HEATR5A: variants seen among roughly 807,000 people sequenced by gnomAD.
The protein encoded by HEATR5A is HEAT repeat-containing protein 5A.
A neutral mutation model predicts 218.8 loss-of-function variants in HEATR5A; 178 were observed. The observed-to-expected ratio is 0.81, with a 90% CI of 0.72 to 0.92. The LOEUF (loss-of-function observed/expected upper bound fraction) is 0.92. Among genes scored for constraint, HEATR5A ranks in the 40% least tolerant of loss-of-function variants. The pLI is 0.00. For missense variants in HEATR5A, 2,420 were observed against 2,418.9 expected (o/e 1.00, Z -0.01); for synonymous variants, 864 against 871.6 (o/e 0.99, Z 0.15).
intron 8 of HEATR5A, 96 bp from the exon 9 acceptor site, chr14:31,386,671 C>T (rs2030236592): frequency 9.8e-7 from 1 of 1,018,826 alleles, no homozygotes; most frequent in Admixed American, 2.6e-5. Context: ...CAAAAATTTA[C>T]ACATACACTT....
At chr14:31,369,629 A>AAC (rs1901950924) in intron 13 of HEATR5A, among the ~76,000 whole-genome samples, 1 of 147,524 alleles carries the variant, frequency 6.8e-6, no homozygotes, top group Non-Finnish European at 1.5e-5. Flanking sequence ...AAAAAAAAAA[A>AAC]AAAAAAACCC....
intron 4 of HEATR5A, among the ~76,000 whole-genome samples, chr14:31,397,784 G>C (rs188452969): frequency 6.6e-6 from 1 of 151,938 alleles, no homozygotes; most frequent in Admixed American, 6.6e-5. Flanking sequence ...TCAGTCTTCC[G>C]AGGGGCTAGA....
intron 16 of HEATR5A, among the ~76,000 whole-genome samples, chr14:31,355,543 G>A (rs1901394993): frequency 6.6e-6 from 1 of 151,958 alleles, no homozygotes; most frequent in African/African-American, 2.4e-5. Context: ...GACCAGCTTG[G>A]CCAACATTAT....
At chr14:31,325,197 C>T (rs1304153061) in intron 23 of HEATR5A, among the ~76,000 whole-genome samples, 3 of 152,166 alleles carry the variant, frequency 2.0e-5, no homozygotes, top group African/African-American at 7.2e-5. Flanking sequence ...AAATTATATA[C>T]AGTTCTTGGA....
rs1163225153 is a variant in HEATR5A at position 31,305,111 on chromosome 14, A to G, written c.5033T>C (p.Leu1678Pro). ...EFGEGKDTGG[L>P]VPGKSLVFAT... Reference sequence around the variant, plus strand: ...AAAGACCAAAGACTTTCCAGGCACAAGTCCTCCGGTGTCCTTTCCCTCTCC... The same window carrying G: ...AAAGACCAAAGACTTTCCAGGCACAGGTCCTCCGGTGTCCTTTCCCTCTCC... The change falls in exon 32 of 36, where the codon CTT (leucine) becomes CCT (proline). Residue 1678 changes from leucine to proline, a missense_variant. Leu to Pro is a moderately conservative substitution (Grantham distance 98). Coordinates refer to ENST00000543095, the MANE Select transcript of HEATR5A (RefSeq NM_015473.4). The G allele has an allele frequency of 6.2e-7, 1 of 1,613,892 alleles. No individual in the cohort carries two copies. The highest frequency in any genetic ancestry group is 8.5e-7 in the Non-Finnish European group (1 of 1,179,882).
intron 16 of HEATR5A, among the ~76,000 whole-genome samples, chr14:31,355,317 G>A (rs1297002193): frequency 2.0e-5 from 3 of 152,184 alleles, no homozygotes; most frequent in African/African-American, 7.2e-5. Flanking sequence ...GGAGGCCGAG[G>A]CAGGAGAATC....
At chr14:31,348,761 G>A (rs535849016) in intron 18 of HEATR5A, among the ~76,000 whole-genome samples, 1 of 152,184 alleles carries the variant, frequency 6.6e-6, no homozygotes, top group Admixed American at 6.5e-5. Context: ...AGCTCAAATA[G>A]CTCTCACAAA....
At position 31,293,790 on chromosome 14, in the gene HEATR5A, G is replaced by C. The variant is rs562385626; in HGVS notation, c.5833+101C>G. 40 of 1,084,786 alleles carry C rather than the reference G, an allele frequency of 3.7e-5. No individual in the cohort carries two copies. In the South Asian group the frequency reaches 5.2e-4, roughly 14 times the overall value. The allele number at this position is 1,084,786 out of a possible 1,614,324, so 67.2% of individuals were successfully genotyped here. ...ATTAACATAACACCTTTCAATGAAT[G>C]TGAAATACAGATATAATGTGACTGA... is the stretch of plus-strand genomic sequence containing the variant. On this transcript the variant is annotated intron_variant, in intron 35 of 35. Coordinates refer to ENST00000543095, the MANE Select transcript of HEATR5A (RefSeq NM_015473.4).
chr14:31,419,257 T>A (rs1304916635), intron 1 of HEATR5A, among the ~76,000 whole-genome samples: 2 of 152,016 alleles, frequency 1.3e-5, no homozygotes, highest in Non-Finnish European at 2.9e-5. Context: ...TCTTATATTA[T>A]AAATCCTGCC....
intron 21 of HEATR5A, among the ~76,000 whole-genome samples, chr14:31,338,381 A>T (rs1043862936): frequency 6.6e-6 from 1 of 152,306 alleles, no homozygotes; most frequent in Admixed American, 6.5e-5. Context: ...AGAGACAAGC[A>T]TTACAGAACA....
Position 31,380,510 on chromosome 14 carries a change from G to C in HEATR5A, c.1665C>G (p.Arg555=). The change falls in exon 11 of 36, where the codon CGC becomes CGG. Residue 555 remains arginine (R), a synonymous_variant. Coordinates refer to ENST00000543095, the MANE Select transcript of HEATR5A (RefSeq NM_015473.4). ...AAATCAGCAACCATCCAGCTTGTGT[G>C]CGCTGAGCTGAAAGGCGACTGTTTT... ...AAQNSRLSAQ[R]TQAGWLLISA... 1 of 1,609,230 alleles carries C rather than the reference G, an allele frequency of 6.2e-7. No individual in the cohort carries two copies. Among genetic ancestry groups the C allele is most frequent in the Non-Finnish European group, 8.5e-7 (1 of 1,177,762 alleles).
chr14:31,297,547 C>A (rs1275980389), intron 33 of HEATR5A: 2 of 152,144 alleles, frequency 1.3e-5, no homozygotes, highest in East Asian at 3.9e-4. Flanking sequence ...CCTGGGTGAT[C>A]AGAGAAAGCC....
chr14:31,336,904 C>T (rs1046980778), intron 22 of HEATR5A, among the ~76,000 whole-genome samples: 6 of 152,166 alleles, frequency 3.9e-5, no homozygotes. Flanking sequence ...TTACCCAAAC[C>T]TAGATGGTAT....
At chr14:31,377,400 G>T (rs1056080049) in intron 11 of HEATR5A, among the ~76,000 whole-genome samples, 2 of 124,262 alleles carry the variant, frequency 1.6e-5, no homozygotes, top group African/African-American at 5.9e-5. Context: ...AAAATTCCAT[G>T]AGCTCATAAT....
chr14:31,315,759 GA>G lies in HEATR5A; in HGVS notation c.4218+10del. The G allele has an allele frequency of 6.5e-7, 1 of 1,547,122 alleles. No homozygotes were observed. On this transcript the variant is annotated intron_variant, in intron 27 of 35. Coordinates refer to ENST00000543095, the MANE Select transcript of HEATR5A (RefSeq NM_015473.4). ...TTCCAAAATTCCAGTTACAAATTAA[GA>G]AATACCAACCTCTGCCCAGGCTTTA...
intron 21 of HEATR5A, among the ~76,000 whole-genome samples, chr14:31,341,328 T>C (rs1566760781): frequency 6.6e-6 from 1 of 152,156 alleles, no homozygotes; most frequent in African/African-American, 2.4e-5. Flanking sequence ...TATTTTTTTT[T>C]CCTGCAGTAA....
At chr14:31,335,973 CTT>C (rs57556527) in intron 22 of HEATR5A, among the ~76,000 whole-genome samples, 252 of 138,036 alleles carry the variant, frequency 1.8e-3, no homozygotes, top group South Asian at 4.5e-3. Context: ...AGATAATTAC[CTT>C]TTTTTTTTTT....
At chr14:31,390,072 GT>G (rs2030389262) in intron 6 of HEATR5A, among the ~76,000 whole-genome samples, 1 of 152,076 alleles carries the variant, frequency 6.6e-6, no homozygotes, top group African/African-American at 2.4e-5. Flanking sequence ...GAAGAAATTA[GT>G]CATGAGGGTA....
rs10149460 is a variant in HEATR5A at position 31,394,320 on chromosome 14, A to T, written c.598-94T>A. 7.3e-3 allele frequency: 4,437 copies of T among 610,862 alleles called. 130 individuals carry two copies. Among genetic ancestry groups the T allele is most frequent in the African/African-American group, 0.072 (3,812 of 53,222 alleles). 37.8% of individuals were successfully genotyped at this position (610,862 alleles called of 1,614,324 possible). A position where few individuals can be genotyped will look rare whatever the true frequency, so the allele number is the denominator to read the frequency against. ...TTGCAGAAACTATCAGCGTCTAACA[A>T]ATAATATACAAATTCAAAGTATCTA... On this transcript the variant is annotated intron_variant, in intron 5 of 35. Transcript: ENST00000543095.
Sources: allele counts gnomAD v4.1 joint callset (sites outside exome capture counted in the v4.1 genomes callset), GRCh38; gene constraint gnomAD v4.1.1; transcripts MANE v1.5; gene names NCBI Gene and HGNC (gene_info 2026-07-23, HGNC 2026-07-21).